Variants in KCND2 observed in about 807,000 individuals in gnomAD.
The protein encoded by KCND2 is A-type voltage-gated potassium channel KCND2.
A neutral mutation model predicts 54.4 loss-of-function variants in KCND2; 16 were observed. The observed-to-expected ratio is 0.29, with a 90% CI of 0.20 to 0.45. KCND2 has a LOEUF of 0.45. KCND2 is among the 20% of genes least tolerant of loss of function. KCND2 has a pLI of 1.00. For synonymous variants in KCND2, 317 were observed against 310.7 expected, an observed-to-expected ratio of 1.02 and a Z score of -0.21; for missense variants, 486 against 824.2, an observed-to-expected ratio of 0.59 and a Z score of 5.02.
chr7:120,337,565 T>C (rs920179104), intron 1 of KCND2, among the ~76,000 whole-genome samples: 21 of 152,310 alleles, frequency 1.4e-4, no homozygotes, highest in African/African-American at 4.3e-4. Flanking sequence ...GAGATTGTAA[T>C]AGACTACAGT....
intron 1 of KCND2, among the ~76,000 whole-genome samples, chr7:120,474,308 TGGTGG>T (rs1284118016): frequency 2.6e-5 from 4 of 152,098 alleles, no homozygotes; most frequent in Non-Finnish European, 5.9e-5. Context: ...GTCATCTGAA[TGGTGG>T]CTTCTTTTCA....
chr7:120,444,679 G>T (rs1158613763), intron 1 of KCND2, among the ~76,000 whole-genome samples: 1 of 152,044 alleles, frequency 6.6e-6, no homozygotes, highest in Non-Finnish European at 1.5e-5. Flanking sequence ...GGATGGCTGA[G>T]AACAGCTTAA....
At chr7:120,591,806 T>C (rs17142844) in intron 1 of KCND2, among the ~76,000 whole-genome samples, 6,202 of 152,312 alleles carry the variant, frequency 0.041, 159 homozygotes, top group Non-Finnish European at 0.066. Context: ...AGTGTGGTAC[T>C]TGCCACTATG....
chr7:120,428,347 C>T (rs371859865), intron 1 of KCND2, among the ~76,000 whole-genome samples: 38 of 152,136 alleles, frequency 2.5e-4, no homozygotes, highest in African/African-American at 8.2e-4. Flanking sequence ...GAAACAGGTG[C>T]GAATACTATG....
intron 1 of KCND2, among the ~76,000 whole-genome samples, chr7:120,367,190 C>A (rs1223180067): frequency 6.6e-6 from 1 of 152,054 alleles, no homozygotes; most frequent in Non-Finnish European, 1.5e-5. Context: ...AGTAAAGGAA[C>A]TTGTTTAAGG....
chr7:120,453,608 A>C (rs1802149107), intron 1 of KCND2, among the ~76,000 whole-genome samples: 1 of 152,220 alleles, frequency 6.6e-6, no homozygotes, highest in African/African-American at 2.4e-5. Context: ...AATCAATACT[A>C]AGAAAATCAC....
chr7:120,295,373 CACACACACACACACACACAG>C (rs1383132561), intron 1 of KCND2, among the ~76,000 whole-genome samples: 440 of 144,350 alleles, frequency 3.0e-3, no homozygotes, highest in Middle Eastern at 6.9e-3. Context: ...CACACACACA[CACACACACACACACACACAG>C]ACACACACAC....
chr7:120,537,977 C>T (rs1170981453), intron 1 of KCND2, among the ~76,000 whole-genome samples: 1 of 152,170 alleles, frequency 6.6e-6, no homozygotes, highest in East Asian at 1.9e-4. Flanking sequence ...TCTTCAGGAT[C>T]TTTTCCTTTG....
At chr7:120,741,422 G>C in intron 2 of KCND2, 112 bp from the exon 3 acceptor site, 1 of 752,326 alleles carries the variant, frequency 1.3e-6, no homozygotes, top group Non-Finnish European at 2.4e-6. Context: ...TTGAAAAGCT[G>C]GCTTACTTTT....
At chr7:120,714,416 T>C (rs1202390981) in intron 1 of KCND2, among the ~76,000 whole-genome samples, 1 of 152,132 alleles carries the variant, frequency 6.6e-6, no homozygotes, top group Non-Finnish European at 1.5e-5. Context: ...CAACTATAAT[T>C]TGTAGATTAC....
At chr7:120,603,876 G>T (rs1428724916) in intron 1 of KCND2, among the ~76,000 whole-genome samples, 2 of 152,128 alleles carry the variant, frequency 1.3e-5, no homozygotes, top group Admixed American at 1.3e-4. Flanking sequence ...TCCCACACTG[G>T]TTCTTCTTAA....
chr7:120,497,308 TA>T (rs1384211472), intron 1 of KCND2, among the ~76,000 whole-genome samples: 1 of 152,140 alleles, frequency 6.6e-6, no homozygotes. Context: ...ATCTTACCCT[TA>T]AAAATCCCTT....
At chr7:120,387,474 G>A (rs1446355152) in intron 1 of KCND2, among the ~76,000 whole-genome samples, 3 of 151,830 alleles carry the variant, frequency 2.0e-5, no homozygotes, top group Non-Finnish European at 2.9e-5. Context: ...TTGCCTATAT[G>A]TCATCTCATA....
At chr7:120,679,177 C>A (rs1309781566) in intron 1 of KCND2, among the ~76,000 whole-genome samples, 1 of 151,720 alleles carries the variant, frequency 6.6e-6, no homozygotes, top group African/African-American at 2.4e-5. Context: ...TTGAAAGAAA[C>A]AATGAAAATG....
chr7:120,641,235 G>GA (rs928633074), intron 1 of KCND2, among the ~76,000 whole-genome samples: 2 of 97,696 alleles, frequency 2.0e-5, no homozygotes, highest in Admixed American at 1.1e-4. Context: ...CTCATTCAGG[G>GA]ACTGTCATTT....
chr7:120,430,866 A>G (rs6955059), intron 1 of KCND2, among the ~76,000 whole-genome samples: 48,960 of 152,016 alleles, frequency 0.32, 10,882 homozygotes, highest in African/African-American at 0.61. Context: ...CAGAGATAGT[A>G]TTATTTATCA....
chr7:120,318,255 A>G (rs1799842586), intron 1 of KCND2, among the ~76,000 whole-genome samples: 1 of 152,144 alleles, frequency 6.6e-6, no homozygotes, highest in African/African-American at 2.4e-5. Flanking sequence ...GTTGACTACA[A>G]ATAGTAAAGT....
intron 1 of KCND2, among the ~76,000 whole-genome samples, chr7:120,304,642 G>A (rs1228468952): frequency 1.3e-5 from 2 of 152,084 alleles, no homozygotes; most frequent in Admixed American, 6.6e-5. Context: ...ATACAAATTA[G>A]CAACTCTCTC....
chr7:120,427,546 A>G (rs1801728292), intron 1 of KCND2, among the ~76,000 whole-genome samples: 1 of 152,232 alleles, frequency 6.6e-6, no homozygotes, highest in South Asian at 2.1e-4. Context: ...AACAGTGCCA[A>G]AGCTCTGGTA....
Sources: allele counts gnomAD v4.1 joint callset (sites outside exome capture counted in the v4.1 genomes callset), GRCh38; gene constraint gnomAD v4.1.1; transcripts MANE v1.5; gene names NCBI Gene and HGNC (gene_info 2026-07-23, HGNC 2026-07-21).